ERICH1: variants seen among roughly 807,000 people sequenced by gnomAD.
ERICH1 encodes the protein glutamate-rich protein 1.
A neutral mutation model predicts 39.6 loss-of-function variants in ERICH1; 56 were observed. The ratio of observed to expected loss-of-function variants is 1.41; its 90% CI spans 1.14 to 1.77. The LOEUF (loss-of-function observed/expected upper bound fraction) is 1.77. ERICH1 is among the 40% of genes most tolerant of loss of function. The pLI, the probability that ERICH1 is intolerant of heterozygous loss-of-function variation, is 0.00. For synonymous variants in ERICH1, 313 were observed against 223.6 expected, an observed-to-expected ratio of 1.40 and a Z score of -3.57; for missense variants, 826 against 575.4, an observed-to-expected ratio of 1.44 and a Z score of -4.45.
intron 3 of ERICH1, among the ~76,000 whole-genome samples, chr8:675,172 CGGCGGCCCCTCGT>C (rs1563233337): frequency 5.7e-5 from 4 of 69,768 alleles, no homozygotes; most frequent in Non-Finnish European, 1.2e-4. Context: ...GACAGAGACG[CGGCGGCCCCTCGT>C]GAGGACAGAG....
At chr8:654,652 C>T (rs1048173686) in intron 3 of ERICH1, among the ~76,000 whole-genome samples, 2 of 152,158 alleles carry the variant, frequency 1.3e-5, no homozygotes, top group Admixed American at 6.5e-5. Flanking sequence ...AGGAACCTCC[C>T]ACTGTCTACC....
intron 3 of ERICH1, chr8:626,961 T>C: frequency 2.7e-6 from 1 of 374,702 alleles, no homozygotes; most frequent in South Asian, 1.9e-5. Flanking sequence ...CAACCCGAGC[T>C]GTGCCGTGGA....
intron 3 of ERICH1, among the ~76,000 whole-genome samples, chr8:617,498 G>T (rs549828719): frequency 1.7e-4 from 26 of 151,962 alleles, no homozygotes; most frequent in African/African-American, 5.5e-4. Context: ...ACTTCCCTCT[G>T]AATGCTGAGG....
At chr8:700,374 CGCACAGGCCCGCACACGCG>C (rs1811746875) in intron 2 of ERICH1, among the ~76,000 whole-genome samples, 1 of 83,760 alleles carries the variant, frequency 1.2e-5, no homozygotes, top group African/African-American at 3.8e-5. Context: ...CCCGCACAGG[CGCACAGGCCCGCACACGCG>C]CACAGGCCCG....
intron 3 of ERICH1, among the ~76,000 whole-genome samples, chr8:632,326 T>G (rs983531939): frequency 1.3e-5 from 2 of 149,836 alleles, no homozygotes; most frequent in Non-Finnish European, 1.5e-5. Flanking sequence ...TAATTAGCAG[T>G]AAAAAAAAAA....
chr8:726,464 GCACACACATA>G (rs1252054473), intron 1 of ERICH1, among the ~76,000 whole-genome samples: 1 of 145,504 alleles, frequency 6.9e-6, no homozygotes, highest in African/African-American at 2.6e-5. Flanking sequence ...ACACACAGGT[GCACACACATA>G]CACACACAGG....
At chr8:687,886 G>A (rs944035193) in intron 3 of ERICH1, among the ~76,000 whole-genome samples, 2 of 152,118 alleles carry the variant, frequency 1.3e-5, no homozygotes, top group South Asian at 4.1e-4. Flanking sequence ...ACCGGCGCAG[G>A]CCTCCGAGGC....
chr8:727,076 TACAC>T (rs767974802), intron 1 of ERICH1, among the ~76,000 whole-genome samples: 5 of 139,328 alleles, frequency 3.6e-5, no homozygotes, highest in African/African-American at 8.1e-5. Flanking sequence ...CACATACACA[TACAC>T]ACACGCACAC....
Position 664,648 on chromosome 8 carries a change from A to G in ERICH1, c.1287T>C (p.Phe429=), listed in dbSNP as rs1801916184. 1.9e-6 allele frequency: 3 copies of G among 1,612,948 alleles called. No individual in the cohort carries two copies. The highest frequency in any genetic ancestry group is 1.3e-5 in the African/African-American group (1 of 75,048). ...PDHARVISAF[F]SYWITHILPE... is the part of the protein sequence containing the mutation. ...GAAGGATATGTGTGATCCAGTAACTAAAGAAAGCTGAGATTACTCTGGCAT... is the reference window on the plus strand; with the variant it reads ...GAAGGATATGTGTGATCCAGTAACTGAAGAAAGCTGAGATTACTCTGGCAT... The change falls in exon 6 of 6, where the codon TTT becomes TTC. Residue 429 remains phenylalanine (F), a synonymous_variant. Coordinates refer to ENST00000262109, the MANE Select transcript of ERICH1 (RefSeq NM_207332.3).
intron 3 of ERICH1, among the ~76,000 whole-genome samples, chr8:640,081 T>C (rs1031291210): frequency 2.6e-5 from 4 of 152,136 alleles, no homozygotes; most frequent in African/African-American, 9.7e-5. Flanking sequence ...CATCCCCACT[T>C]CACAGAGGAA....
intron 2 of ERICH1, among the ~76,000 whole-genome samples, chr8:698,376 G>A (rs1362545545): frequency 2.0e-5 from 3 of 152,010 alleles, no homozygotes; most frequent in Admixed American, 6.6e-5. Context: ...GCACCACCAC[G>A]CCCAGATAAT....
At chr8:642,446 G>A (rs868504102) in intron 3 of ERICH1, among the ~76,000 whole-genome samples, 5 of 140,914 alleles carry the variant, frequency 3.5e-5, no homozygotes, top group African/African-American at 7.9e-5. Flanking sequence ...CTGGGTTCAC[G>A]CCATTCTCCT....
chr8:642,586 T>C (rs149362807), intron 3 of ERICH1, among the ~76,000 whole-genome samples: 1,720 of 152,130 alleles, frequency 0.011, 33 homozygotes, highest in African/African-American at 0.04. Flanking sequence ...CCTCGTGATC[T>C]GCCCGCCTCG....
intron 2 of ERICH1, among the ~76,000 whole-genome samples, chr8:699,487 G>C (rs560627396): frequency 6.6e-6 from 1 of 152,270 alleles, no homozygotes; most frequent in South Asian, 2.1e-4. Flanking sequence ...AATGCTGCCT[G>C]GTATCTCCGC....
Position 715,849 on chromosome 8 carries a change from A to G in ERICH1, c.169+12T>C. 1 of 1,604,152 alleles carries G rather than the reference A, an allele frequency of 6.2e-7. No individual in the cohort carries two copies. The highest frequency in any genetic ancestry group is 1.1e-5 in the South Asian group (1 of 89,384). On this transcript the variant is annotated intron_variant, in intron 2 of 5. Coordinates refer to ENST00000262109, the MANE Select transcript of ERICH1 (RefSeq NM_207332.3). ...GTTTCTGAGACCCACCCACATCTGC[A>G]GACAAACTCACCTGTCAAAGGCTCA...
intron 3 of ERICH1, among the ~76,000 whole-genome samples, chr8:625,449 TA>T (rs1248402269): frequency 4.0e-5 from 6 of 151,836 alleles, no homozygotes; most frequent in African/African-American, 1.5e-4. Context: ...GGAAGAAGAT[TA>T]GGGGTTGCTG....
At chr8:687,360 A>C (rs771175404) in intron 3 of ERICH1, among the ~76,000 whole-genome samples, 1 of 152,210 alleles carries the variant, frequency 6.6e-6, no homozygotes, top group Admixed American at 6.5e-5. Context: ...TTGACTTAAG[A>C]CTTAATTCCA....
At chr8:655,409 C>T (rs1165137705) in intron 3 of ERICH1, among the ~76,000 whole-genome samples, 2 of 152,202 alleles carry the variant, frequency 1.3e-5, no homozygotes, top group East Asian at 1.9e-4. Flanking sequence ...GAGTCTCACT[C>T]GTTTTTGTTT....
chr8:616,183 A>T (rs1362462492), intron 3 of ERICH1: 1 of 215,776 alleles, frequency 4.6e-6, no homozygotes, highest in Non-Finnish European at 9.4e-6. Context: ...GGTACACCTT[A>T]AAGAAATTCC....
Sources: gnomAD v4.1 joint callset for allele counts (sites outside exome capture counted in the v4.1 genomes callset) on GRCh38, gnomAD v4.1.1 for gene constraint, MANE v1.5 for transcripts, NCBI Gene and HGNC (gene_info 2026-07-23, HGNC 2026-07-21) for gene names.